MS4A4A: variants seen among roughly 807,000 people sequenced by gnomAD.
MS4A4A encodes the protein membrane-spanning 4-domains subfamily A member 4A.
Under a neutral mutation model 28.0 loss-of-function variants are expected in MS4A4A, and 26 were observed. The observed-to-expected ratio is 0.93, with a 90% CI of 0.68 to 1.29. MS4A4A has a LOEUF of 1.29. MS4A4A is among the 50% of genes most tolerant of loss of function. The probability of loss-of-function intolerance (pLI) is 0.00; values close to 1 mark genes in which losing one functional copy is unlikely to be tolerated. For missense variants in MS4A4A, 290 were observed against 293.1 expected (o/e 0.99, Z 0.08); for synonymous variants, 86 against 100.8 (o/e 0.85, Z 0.88).
At chr11:60,294,515 G>A (rs2084885171) in intron 2 of MS4A4A, among the ~76,000 whole-genome samples, 1 of 151,960 alleles carries the variant, frequency 6.6e-6, no homozygotes, top group Non-Finnish European at 1.5e-5. Flanking sequence ...GTATCGTATT[G>A]ACAAATTCAT....
chr11:60,297,443 T>C, intron 3 of MS4A4A, 118 bp downstream of exon 3: 1 of 1,143,286 alleles, frequency 8.7e-7, no homozygotes, highest in East Asian at 2.6e-5. Context: ...GAGTGGTATC[T>C]AACCATTTCT....
At chr11:60,284,685 TA>T (rs1247700567) in intron 1 of MS4A4A, among the ~76,000 whole-genome samples, 1 of 152,222 alleles carries the variant, frequency 6.6e-6, no homozygotes, top group Non-Finnish European at 1.5e-5. Flanking sequence ...GTTCTAATGA[TA>T]ATGGAGTTTA....
In MS4A4A at chr11:60,308,963, A is replaced by G. The variant is rs777036117; in HGVS notation, c.*785A>G. ...TTGCAGAGCAAAAATAAATCAAATTAGAAGCAATACTTTCATGTGCTACCT... is the reference window on the plus strand; with the variant it reads ...TTGCAGAGCAAAAATAAATCAAATTGGAAGCAATACTTTCATGTGCTACCT... On this transcript the variant is annotated 3_prime_UTR_variant, in exon 7 of 7. Coordinates refer to ENST00000337908, the MANE Select transcript of MS4A4A (RefSeq NM_148975.3). 6.6e-6 allele frequency: 1 copy of G among 152,256 alleles called. No homozygotes were observed. The highest frequency in any genetic ancestry group is 6.5e-5 in the Admixed American group (1 of 15,288). The allele number at this position is 152,256 out of a possible 1,614,324, so 9.4% of individuals were successfully genotyped here. A position where few individuals can be genotyped will look rare whatever the true frequency, so the allele number is the denominator to read the frequency against.
intron 1 of MS4A4A, among the ~76,000 whole-genome samples, chr11:60,286,265 T>G (rs191330086): frequency 6.6e-6 from 1 of 152,356 alleles, no homozygotes; most frequent in East Asian, 1.9e-4. Context: ...TTTTACAATT[T>G]GTGCAGTTAA....
In MS4A4A at chr11:60,283,957, G is replaced by A. The variant is rs912525273; in HGVS notation, c.41+3241G>A. 3.6e-4 allele frequency among the ~76,000 whole-genome samples: 55 copies of A among 152,076 alleles called. 1 individual carries two copies. The highest frequency in any genetic ancestry group is 3.4e-3 in the Admixed American group (52 of 15,250). ...CAAGGGCCTCTTGGCCCACCTCTAC[G>A]TAGTCTTGTTATCTAACTTATTCCA... On this transcript the variant is annotated intron_variant, in intron 1 of 6. Coordinates refer to ENST00000337908, the MANE Select transcript of MS4A4A (RefSeq NM_148975.3).
chr11:60,294,785 C>G (rs2084887753), intron 2 of MS4A4A, among the ~76,000 whole-genome samples: 1 of 151,968 alleles, frequency 6.6e-6, no homozygotes, highest in Admixed American at 6.6e-5. Flanking sequence ...GCTTTCTACT[C>G]TATTCCATTA....
At chr11:60,298,524 C>T (rs1037903119) in intron 3 of MS4A4A, among the ~76,000 whole-genome samples, 3 of 152,274 alleles carry the variant, frequency 2.0e-5, no homozygotes, top group African/African-American at 4.8e-5. Context: ...ACAATCACCA[C>T]GAACTTCTGA....
At chr11:60,305,238 A>G (rs954772540) in intron 5 of MS4A4A, among the ~76,000 whole-genome samples, 1 of 152,246 alleles carries the variant, frequency 6.6e-6, no homozygotes, top group African/African-American at 2.4e-5. Flanking sequence ...CTTGATGTTC[A>G]TTGTTGTATT....
At chr11:60,292,543 T>C (rs2044981) in intron 2 of MS4A4A, among the ~76,000 whole-genome samples, 159 bp downstream of exon 2, 57,767 of 152,146 alleles carry the variant, frequency 0.38, 12,551 homozygotes, top group Admixed American at 0.45. Context: ...AACTATATAG[T>C]ATTCTGTCAC....
chr11:60,284,521 T>C (rs993720576), intron 1 of MS4A4A, among the ~76,000 whole-genome samples: 1 of 152,172 alleles, frequency 6.6e-6, no homozygotes, highest in Non-Finnish European at 1.5e-5. Flanking sequence ...CATGGTACCA[T>C]GTGGTCAGAG....
intron 5 of MS4A4A, among the ~76,000 whole-genome samples, chr11:60,305,170 T>C (rs1252997214): frequency 6.6e-6 from 1 of 152,248 alleles, no homozygotes; most frequent in Non-Finnish European, 1.5e-5. Flanking sequence ...CCATGTTTCT[T>C]GGCTGAAGAC....
At chr11:60,299,336 C>A (rs777409174) in intron 3 of MS4A4A, among the ~76,000 whole-genome samples, 56 of 151,792 alleles carry the variant, frequency 3.7e-4, no homozygotes, top group Admixed American at 4.6e-4. Flanking sequence ...TAATAGTCAG[C>A]ATCTTTATCT....
intron 2 of MS4A4A, 40 bp from the exon 3 acceptor site, chr11:60,297,157 G>T: frequency 5.0e-6 from 8 of 1,609,338 alleles, no homozygotes; most frequent in Non-Finnish European, 6.8e-6. Flanking sequence ...CACCATTTTT[G>T]TGGTGGACAA....
intron 1 of MS4A4A, among the ~76,000 whole-genome samples, chr11:60,283,811 T>C (rs2084778140): frequency 6.6e-6 from 1 of 152,228 alleles, no homozygotes; most frequent in Admixed American, 6.5e-5. Context: ...CTAAATTTTG[T>C]GTTCTGTCTA....
At chr11:60,297,754 C>G (rs2084918867) in intron 3 of MS4A4A, among the ~76,000 whole-genome samples, 3 of 152,116 alleles carry the variant, frequency 2.0e-5, no homozygotes, top group African/African-American at 2.4e-5. Flanking sequence ...ATACATATTC[C>G]CAAATCAACT....
At position 60,292,226 on chromosome 11, in the gene MS4A4A, A is replaced by T; in HGVS notation, c.43A>T (p.Thr15Ser). The change falls in exon 2 of 7, where the codon ACC (threonine) becomes TCC (serine). Residue 15 changes from threonine (T) to serine (S), a missense_variant and splice_region_variant. Physicochemically the swap from Thr to Ser is moderately conservative, Grantham distance 58. Transcript: ENST00000337908. ...ACTAAATTACATTTCTTATTGTAGC[A>T]CCTTTTCTGCTGCCATGACAACCAT... ...YSRHCRPEES[T>S]FSAAMTTMQG... 6.5e-7 allele frequency: 1 copy of T among 1,542,856 alleles called. No individual in the cohort carries two copies. Among genetic ancestry groups the T allele is most frequent in the South Asian group, 1.2e-5 (1 of 80,098 alleles).
intron 1 of MS4A4A, among the ~76,000 whole-genome samples, chr11:60,283,119 G>T (rs1259457330): frequency 6.6e-6 from 1 of 152,208 alleles, no homozygotes. Context: ...TTGAGACAGG[G>T]TCTCACTGTG....
intron 2 of MS4A4A, among the ~76,000 whole-genome samples, chr11:60,293,790 G>T (rs1003775387): frequency 1.3e-5 from 2 of 152,006 alleles, no homozygotes; most frequent in African/African-American, 4.8e-5. Flanking sequence ...TTTTCTTATG[G>T]CTTGATAGCT....
At chr11:60,299,578 T>G (rs2084934263) in intron 3 of MS4A4A, among the ~76,000 whole-genome samples, 1 of 151,260 alleles carries the variant, frequency 6.6e-6, no homozygotes, top group African/African-American at 2.4e-5. Context: ...GTTCTCACCA[T>G]TCTCCTGCCT....
Sources: gnomAD v4.1 joint callset for allele counts (sites outside exome capture counted in the v4.1 genomes callset) on GRCh38, gnomAD v4.1.1 for gene constraint, MANE v1.5 for transcripts, NCBI Gene and HGNC (gene_info 2026-07-23, HGNC 2026-07-21) for gene names.